Variants in KDM4C observed in about 807,000 individuals in gnomAD.
KDM4C encodes lysine demethylase 4C.
In KDM4C, 81 loss-of-function variants were observed where a neutral mutation model predicts 129.3. That is an observed-to-expected ratio of 0.63 (90% CI 0.52 to 0.75). KDM4C has a LOEUF of 0.75. KDM4C is among the 30% of genes least tolerant of loss of function. The pLI, the probability that KDM4C is intolerant of heterozygous loss-of-function variation, is 0.00. For synonymous variants in KDM4C, 573 were observed against 456.1 expected, an observed-to-expected ratio of 1.26 and a Z score of -3.26; for missense variants, 1,457 against 1,304.0, an observed-to-expected ratio of 1.12 and a Z score of -1.81.
chr9:7,167,914 G>T (rs1034911012), intron 20 of KDM4C, among the ~76,000 whole-genome samples: 2 of 152,220 alleles, frequency 1.3e-5, no homozygotes, highest in African/African-American at 4.8e-5. Flanking sequence ...GGGCACAGTG[G>T]CTCATGCCTG....
At chr9:6,742,458 ACT>A (rs1231567578) in intron 1 of KDM4C, among the ~76,000 whole-genome samples, 1 of 151,008 alleles carries the variant, frequency 6.6e-6, no homozygotes, top group Non-Finnish European at 1.5e-5. Flanking sequence ...GTTCAGAGAG[ACT>A]CTCTGGGTTT....
At chr9:7,102,890 AAC>A (rs1234491084) in intron 17 of KDM4C, among the ~76,000 whole-genome samples, 5 of 152,220 alleles carry the variant, frequency 3.3e-5, no homozygotes, top group Admixed American at 1.3e-4. Context: ...ATTAGTTCAC[AAC>A]TTACATTTAG....
intron 1 of KDM4C, among the ~76,000 whole-genome samples, chr9:6,728,728 C>A (rs1028696403): frequency 6.6e-6 from 1 of 151,900 alleles, no homozygotes; most frequent in African/African-American, 2.4e-5. Flanking sequence ...TGCCTATAAT[C>A]CCAGCTACTC....
At chr9:7,117,644 C>T (rs1409885179) in intron 18 of KDM4C, among the ~76,000 whole-genome samples, 10 of 151,100 alleles carry the variant, frequency 6.6e-5, no homozygotes, top group Admixed American at 6.6e-4. Flanking sequence ...CACACACACA[C>T]ACACACACAC....
chr9:7,027,844 G>T (rs991343920), intron 15 of KDM4C, among the ~76,000 whole-genome samples: 6 of 152,136 alleles, frequency 3.9e-5, no homozygotes, highest in Non-Finnish European at 8.8e-5. Flanking sequence ...ATTTCTACTG[G>T]CAGAGGAGCC....
Position 7,099,733 on chromosome 9 carries a change from G to A in KDM4C, c.2425-3952G>A, listed in dbSNP as rs1330581674. ...TGCTGGAATCCTGGGGCGGAAGAGA[G>A]CCACTTCTGTTCTTGTCATCAGCCT... is the stretch of plus-strand genomic sequence containing the variant. On this transcript the variant is annotated intron_variant, in intron 17 of 21. Coordinates refer to ENST00000381309, the MANE Select transcript of KDM4C (RefSeq NM_015061.6). Among the ~76,000 whole-genome samples the A allele has an allele frequency of 2.0e-5, 3 of 152,282 alleles. No individual in the cohort carries two copies. In the East Asian group the frequency reaches 5.8e-4, roughly 29 times the overall value.
At chr9:7,004,411 C>T (rs1725416472) in intron 12 of KDM4C, among the ~76,000 whole-genome samples, 1 of 152,158 alleles carries the variant, frequency 6.6e-6, no homozygotes, top group Admixed American at 6.5e-5. Context: ...TTATTCCAGA[C>T]ATTTAACCTT....
chr9:7,173,675 C>A (rs1023951810), intron 21 of KDM4C, among the ~76,000 whole-genome samples: 18 of 152,130 alleles, frequency 1.2e-4, no homozygotes, highest in African/African-American at 4.3e-4. Context: ...TCTACAGTGC[C>A]TTTAGGTTTC....
chr9:6,986,739 C>T (rs1184132510), intron 11 of KDM4C, 73 bp downstream of exon 11: 3 of 1,044,924 alleles, frequency 2.9e-6, no homozygotes, highest in Non-Finnish European at 4.1e-6. Flanking sequence ...ACATGCTGTG[C>T]ACTGAAATCC....
At chr9:6,753,062 C>T (rs1347392549), upstream of KDM4C, among the ~76,000 whole-genome samples, 2 of 152,172 alleles carry the variant, frequency 1.3e-5, no homozygotes, top group Non-Finnish European at 2.9e-5. Context: ...GATGTAACTA[C>T]AATACTAATC....
intron 3 of KDM4C, among the ~76,000 whole-genome samples, chr9:6,809,621 T>C (rs1371207586): frequency 6.6e-6 from 1 of 152,254 alleles, no homozygotes; most frequent in East Asian, 1.9e-4. Context: ...GGTAATTTCA[T>C]TTTGTAGGCA....
At chr9:7,087,895 G>A (rs1478364491) in intron 17 of KDM4C, among the ~76,000 whole-genome samples, 9 of 152,202 alleles carry the variant, frequency 5.9e-5, no homozygotes, top group Admixed American at 2.6e-4. Context: ...GAGAGGGCAC[G>A]TAGTTTTTCA....
intron 17 of KDM4C, among the ~76,000 whole-genome samples, chr9:7,092,984 T>C (rs144245167): frequency 2.6e-5 from 4 of 152,238 alleles, no homozygotes; most frequent in East Asian, 1.9e-4. Flanking sequence ...ATCCACAAAA[T>C]ATTTACTTTT....
intron 6 of KDM4C, among the ~76,000 whole-genome samples, chr9:6,880,353 T>G (rs1201684726): frequency 6.6e-6 from 1 of 152,250 alleles, no homozygotes; most frequent in Non-Finnish European, 1.5e-5. Context: ...CTAAAAAAAT[T>G]GTTTTTAATG....
intron 5 of KDM4C, among the ~76,000 whole-genome samples, chr9:6,865,071 C>T (rs531579096): frequency 3.2e-4 from 46 of 144,732 alleles, no homozygotes; most frequent in Admixed American, 7.2e-5. Context: ...TGCAGTGACG[C>T]GATCTCGGCT....
chr9:6,843,019 G>A (rs7040841), intron 4 of KDM4C, among the ~76,000 whole-genome samples: 22,256 of 152,038 alleles, frequency 0.15, 1,729 homozygotes, highest in Middle Eastern at 0.21. Flanking sequence ...AACTTCCACC[G>A]CCAGGGTTCA....
At chr9:7,086,946 G>A (rs1046327895) in intron 17 of KDM4C, among the ~76,000 whole-genome samples, 2 of 152,218 alleles carry the variant, frequency 1.3e-5, no homozygotes, top group Non-Finnish European at 1.5e-5. Flanking sequence ...TCCTCCATGC[G>A]TCTCTGAGCT....
intron 8 of KDM4C, among the ~76,000 whole-genome samples, chr9:6,972,844 A>G (rs1442671094): frequency 6.6e-6 from 1 of 152,218 alleles, no homozygotes. Flanking sequence ...CTGATTGATT[A>G]TGTTTAAATT....
At chr9:6,910,435 G>A (rs942111370) in intron 8 of KDM4C, among the ~76,000 whole-genome samples, 17 of 151,980 alleles carry the variant, frequency 1.1e-4, no homozygotes, top group Admixed American at 7.2e-4. Context: ...CACAATTGTG[G>A]GTCCCTCCAC....
Sources: gnomAD v4.1 joint callset for allele counts (sites outside exome capture counted in the v4.1 genomes callset) on GRCh38, gnomAD v4.1.1 for gene constraint, MANE v1.5 for transcripts, NCBI Gene and HGNC (gene_info 2026-07-23, HGNC 2026-07-21) for gene names.